The following LRMDA variants were observed in gnomAD, a reference collection of about 807,000 sequenced individuals.
LRMDA encodes the protein leucine-rich melanocyte differentiation-associated protein.
LRMDA carries 18 observed loss-of-function variants against 29.8 expected under a neutral mutation model. The observed-to-expected ratio is 0.60, with a 90% CI of 0.42 to 0.90. LRMDA has a LOEUF of 0.90. LRMDA is among the 40% of genes least tolerant of loss of function. LRMDA has a pLI of 0.00. For missense variants in LRMDA, 273 were observed against 273.9 expected (o/e 1.00, Z 0.02); for synonymous variants, 125 against 109.4 (o/e 1.14, Z -0.89).
At chr10:75,715,722 A>G (rs2132182178) in intron 2 of LRMDA, among the ~76,000 whole-genome samples, 1 of 152,192 alleles carries the variant, frequency 6.6e-6, no homozygotes, top group African/African-American at 2.4e-5. Flanking sequence ...TTGATAATTC[A>G]TAATATTTTA....
chr10:76,454,579 T>C (rs958238575), intron 6 of LRMDA, among the ~76,000 whole-genome samples: 1 of 152,006 alleles, frequency 6.6e-6, no homozygotes, highest in Non-Finnish European at 1.5e-5. Context: ...GTGATTTGGG[T>C]CTGCATTCGC....
At chr10:76,028,113 C>A (rs1250477126) in intron 2 of LRMDA, among the ~76,000 whole-genome samples, 3 of 152,160 alleles carry the variant, frequency 2.0e-5, no homozygotes, top group Non-Finnish European at 4.4e-5. Context: ...AGCAATTTCA[C>A]TGTCTCATTA....
intron 6 of LRMDA, among the ~76,000 whole-genome samples, chr10:76,388,204 T>A (rs979764349): frequency 6.6e-6 from 1 of 152,226 alleles, no homozygotes. Flanking sequence ...GATGATGCCA[T>A]AGAGACCACT....
intron 2 of LRMDA, among the ~76,000 whole-genome samples, chr10:75,652,836 T>C (rs993759437): frequency 3.9e-5 from 6 of 152,198 alleles, no homozygotes; most frequent in African/African-American, 9.7e-5. Flanking sequence ...TTAAACATAA[T>C]TCATATGTTG....
chr10:76,527,733 T>C (rs1843192741), intron 6 of LRMDA, among the ~76,000 whole-genome samples: 1 of 152,188 alleles, frequency 6.6e-6, no homozygotes. Flanking sequence ...TTATAATCAT[T>C]CATGGATTGC....
At chr10:76,330,276 C>T (rs1840888696) in intron 6 of LRMDA, among the ~76,000 whole-genome samples, 1 of 151,946 alleles carries the variant, frequency 6.6e-6, no homozygotes, top group South Asian at 2.1e-4. Context: ...ATGGGGGGGC[C>T]TTTAGAAATG....
chr10:75,650,202 T>C (rs540272572), intron 2 of LRMDA, among the ~76,000 whole-genome samples: 2 of 152,334 alleles, frequency 1.3e-5, no homozygotes, highest in East Asian at 3.9e-4. Context: ...AAATCCAGTG[T>C]CATGAAGCTT....
chr10:76,284,262 G>A (rs1198906086), intron 5 of LRMDA, among the ~76,000 whole-genome samples: 1 of 152,148 alleles, frequency 6.6e-6, no homozygotes, highest in Admixed American at 6.5e-5. Context: ...TGGGCCTGAG[G>A]TAAGCACAAC....
chr10:75,588,379 T>C (rs143277100), intron 2 of LRMDA, among the ~76,000 whole-genome samples: 10 of 152,320 alleles, frequency 6.6e-5, no homozygotes, highest in African/African-American at 1.7e-4. Context: ...ACGAGGGGCT[T>C]GTAGTCCTTT....
chr10:75,831,571 G>T (rs903585405), intron 2 of LRMDA, among the ~76,000 whole-genome samples: 1 of 152,176 alleles, frequency 6.6e-6, no homozygotes, highest in African/African-American at 2.4e-5. Flanking sequence ...CCATTCTGGG[G>T]TCTGGAGGCT....
intron 2 of LRMDA, among the ~76,000 whole-genome samples, chr10:76,002,496 C>T (rs1847578797): frequency 6.8e-6 from 1 of 147,468 alleles, no homozygotes; most frequent in Admixed American, 7.0e-5. Flanking sequence ...AACTTCAGTT[C>T]CTACATCTGT....
intron 5 of LRMDA, among the ~76,000 whole-genome samples, chr10:76,174,184 TGA>T (rs1450358908): frequency 6.6e-6 from 1 of 152,216 alleles, no homozygotes; most frequent in Non-Finnish European, 1.5e-5. Context: ...TAAGATTTTA[TGA>T]GATACCTCAG....
intron 2 of LRMDA, among the ~76,000 whole-genome samples, chr10:75,980,618 G>T (rs1224834497): frequency 2.0e-5 from 3 of 152,016 alleles, no homozygotes; most frequent in Non-Finnish European, 4.4e-5. Flanking sequence ...CATGATGCAG[G>T]GATTAGGGGA....
chr10:75,729,529 A>G (rs1210952121), intron 2 of LRMDA, among the ~76,000 whole-genome samples: 3 of 152,158 alleles, frequency 2.0e-5, no homozygotes, highest in Non-Finnish European at 2.9e-5. Context: ...ATCACCCTCA[A>G]TAATTCAAAT....
At chr10:76,515,168 G>T (rs1223626045) in intron 6 of LRMDA, among the ~76,000 whole-genome samples, 1 of 152,126 alleles carries the variant, frequency 6.6e-6, no homozygotes, top group Non-Finnish European at 1.5e-5. Context: ...CTTCTGTTCT[G>T]TGTGGCCACT....
intron 5 of LRMDA, among the ~76,000 whole-genome samples, chr10:76,315,251 G>A (rs1840677692): frequency 6.6e-6 from 1 of 152,234 alleles, no homozygotes; most frequent in South Asian, 2.1e-4. Flanking sequence ...CTTCAGTGGG[G>A]CAGGAAGGGC....
intron 6 of LRMDA, among the ~76,000 whole-genome samples, chr10:76,550,335 C>T (rs1235461049): frequency 6.6e-6 from 1 of 152,120 alleles, no homozygotes; most frequent in Non-Finnish European, 1.5e-5. Context: ...AAATGTCTAC[C>T]AATGCAAGAC....
intron 6 of LRMDA, among the ~76,000 whole-genome samples, chr10:76,507,933 C>A (rs970245553): frequency 6.6e-6 from 1 of 152,078 alleles, no homozygotes; most frequent in Non-Finnish European, 1.5e-5. Flanking sequence ...CAGTGTAATG[C>A]CTCCAGCTTT....
chr10:76,106,812 C>T (rs1207006061), intron 5 of LRMDA, among the ~76,000 whole-genome samples: 1 of 152,198 alleles, frequency 6.6e-6, no homozygotes, highest in Admixed American at 6.5e-5. Context: ...GCTGGAGCAG[C>T]TTCTCTGTAG....
Sources: allele counts gnomAD v4.1 joint callset (sites outside exome capture counted in the v4.1 genomes callset), GRCh38; gene constraint gnomAD v4.1.1; transcripts MANE v1.5; gene names NCBI Gene and HGNC (gene_info 2026-07-23, HGNC 2026-07-21).